Variants in CTXND1 observed in about 807,000 individuals in gnomAD.
The protein encoded by CTXND1 is cortexin domain-containing 1 protein.
chr15:80,234,262 C>A (rs1051713898), intron 1 of CTXND1, among the ~76,000 whole-genome samples: 6 of 152,150 alleles, frequency 3.9e-5, no homozygotes, highest in Admixed American at 3.9e-4. Flanking sequence ...GGCTGTTCGT[C>A]TGAGACCAGG....
At chr15:80,223,251 T>C (rs983089373) in intron 1 of CTXND1, among the ~76,000 whole-genome samples, 2 of 152,200 alleles carry the variant, frequency 1.3e-5, no homozygotes, top group African/African-American at 4.8e-5. Context: ...GGGATGAGGT[T>C]TCTCCATGTT....
Position 80,201,775 on chromosome 15 carries a change from C to T in CTXND1, c.175G>A (p.Asp59Asn), listed in dbSNP as rs1317177239. The change falls in exon 3 of 3, where the codon GAC becomes AAC. Residue 59 changes from aspartate (D) to asparagine (N), a missense_variant. Asp to Asn is a conservative substitution (Grantham distance 23, BLOSUM62 1). Transcript: ENST00000560778. ...GTCCCCACAGCCGCTGTGCCTCAGT[C>T]GTCCAGGTGCTGCTCCTCCCAGGTG... ...TSTWEEQHLD[D>N] 7.5e-6 allele frequency: 3 copies of T among 398,710 alleles called. No homozygotes were observed. Among genetic ancestry groups the T allele is most frequent in the South Asian group, 1.3e-4 (1 of 7,826 alleles). The allele number at this position is 398,710 out of a possible 1,614,324, so 24.7% of individuals were successfully genotyped here.
At chr15:80,236,848 C>A (rs1893504225) in intron 1 of CTXND1, among the ~76,000 whole-genome samples, 1 of 151,750 alleles carries the variant, frequency 6.6e-6, no homozygotes, top group African/African-American at 2.4e-5. Flanking sequence ...GGCATGGTAG[C>A]CCTCTTAACA....
At chr15:80,210,201 G>A (rs935630789) in intron 1 of CTXND1, among the ~76,000 whole-genome samples, 2 of 152,130 alleles carry the variant, frequency 1.3e-5, no homozygotes, top group African/African-American at 4.8e-5. Context: ...CCTCCTTAAT[G>A]TTTTTTCTTT....
At chr15:80,231,422 ACTT>A (rs1427546596) in intron 1 of CTXND1, among the ~76,000 whole-genome samples, 2 of 152,002 alleles carry the variant, frequency 1.3e-5, no homozygotes, top group Non-Finnish European at 2.9e-5. Flanking sequence ...AAAAGAAAAA[ACTT>A]CTCCTGTGTC....
chr15:80,213,347 C>A (rs557733705), intron 1 of CTXND1, among the ~76,000 whole-genome samples: 77 of 152,216 alleles, frequency 5.1e-4, no homozygotes, highest in African/African-American at 1.7e-3. Flanking sequence ...AATGGCCTCC[C>A]AGAAGTTCAC....
rs768117948 is a variant in CTXND1 at position 80,199,152 on chromosome 15, T to G, written c.*2618A>C. Reference sequence around the variant, plus strand: ...GAGTCAAGAGATAAGGTGAAACCCATTAGCAAATCTGAGTGTGGAAAAGAA... The same window carrying G: ...GAGTCAAGAGATAAGGTGAAACCCAGTAGCAAATCTGAGTGTGGAAAAGAA... On this transcript the variant is annotated 3_prime_UTR_variant, in exon 3 of 3. Coordinates refer to ENST00000560778, the MANE Select transcript of CTXND1 (RefSeq NM_001352888.2). 5 of 152,218 alleles carry G rather than the reference T, an allele frequency of 3.3e-5. No homozygotes were observed. Among genetic ancestry groups the G allele is most frequent in the Admixed American group, 1.3e-4 (2 of 15,282 alleles). The allele number at this position is 152,218 out of a possible 1,614,324, so 9.4% of individuals were successfully genotyped here. A position where few individuals can be genotyped will look rare whatever the true frequency, so the allele number is the denominator to read the frequency against.
At chr15:80,242,651 T>C (rs61146791) in intron 1 of CTXND1, among the ~76,000 whole-genome samples, 2 of 152,190 alleles carry the variant, frequency 1.3e-5, no homozygotes, top group Non-Finnish European at 1.5e-5. Context: ...ACTGGCTTTA[T>C]GTTTAATTTT....
intron 1 of CTXND1, among the ~76,000 whole-genome samples, chr15:80,243,668 A>G (rs1893595440): frequency 6.6e-6 from 1 of 152,178 alleles, no homozygotes; most frequent in Non-Finnish European, 1.5e-5. Context: ...TTGTACCCCA[A>G]GGGTAAATGA....
At chr15:80,244,503 T>C (rs1260366604) in intron 1 of CTXND1, among the ~76,000 whole-genome samples, 1 of 152,100 alleles carries the variant, frequency 6.6e-6, no homozygotes, top group Non-Finnish European at 1.5e-5. Flanking sequence ...GATCTCTAGT[T>C]TGGAAAAAGT....
chr15:80,251,764 G>A (rs1346189177), intron 1 of CTXND1, among the ~76,000 whole-genome samples: 1 of 152,048 alleles, frequency 6.6e-6, no homozygotes, highest in African/African-American at 2.4e-5. Context: ...CCCCTGCCGC[G>A]CGGGTCCGGC....
rs981392801 is a variant in CTXND1 at position 80,201,083 on chromosome 15, G to A, written c.*687C>T. The stretch of plus-strand genomic sequence containing the variant: ...ATCAAAATGGTGGTTTCCGGGAGGT[G>A]GGATTATAAGTGTTATTTCCTCCCC... On this transcript the variant is annotated 3_prime_UTR_variant, in exon 3 of 3. Coordinates refer to ENST00000560778, the MANE Select transcript of CTXND1 (RefSeq NM_001352888.2). 1 of 152,074 alleles carries A rather than the reference G, an allele frequency of 6.6e-6. No homozygotes were observed. The highest frequency in any genetic ancestry group is 2.4e-5 in the African/African-American group (1 of 41,364). 9.4% of individuals were successfully genotyped at this position (152,074 alleles called of 1,614,324 possible).
chr15:80,246,149 G>A (rs1893626374), intron 1 of CTXND1, among the ~76,000 whole-genome samples: 2 of 152,196 alleles, frequency 1.3e-5, no homozygotes, highest in South Asian at 4.2e-4. Context: ...AAAAATAAAT[G>A]GTAAACATTT....
chr15:80,250,891 G>A (rs1893685635), intron 1 of CTXND1, among the ~76,000 whole-genome samples: 1 of 152,184 alleles, frequency 6.6e-6, no homozygotes, highest in Non-Finnish European at 1.5e-5. Flanking sequence ...GTGGCTTAAT[G>A]AGGGTGAGGG....
intron 1 of CTXND1, among the ~76,000 whole-genome samples, chr15:80,228,282 G>A (rs1028927324): frequency 1.3e-5 from 2 of 152,148 alleles, no homozygotes; most frequent in Non-Finnish European, 2.9e-5. Flanking sequence ...TCCTGTCAGC[G>A]TCAACACATT....
chr15:80,222,570 T>C (rs1325120480), intron 1 of CTXND1, among the ~76,000 whole-genome samples: 1 of 152,216 alleles, frequency 6.6e-6, no homozygotes, highest in African/African-American at 2.4e-5. Flanking sequence ...AATTAAGATA[T>C]GAATGAGTTT....
chr15:80,228,487 G>A (rs1317030507), intron 1 of CTXND1, among the ~76,000 whole-genome samples: 24 of 152,210 alleles, frequency 1.6e-4, no homozygotes, highest in Admixed American at 1.1e-3. Context: ...GCATAAGCTG[G>A]GCTTATCCAA....
chr15:80,240,304 C>T (rs1389622449), intron 1 of CTXND1, among the ~76,000 whole-genome samples: 2 of 152,146 alleles, frequency 1.3e-5, no homozygotes, highest in Non-Finnish European at 2.9e-5. Context: ...ATTGCATAAA[C>T]CTTAGGACCC....
rs2041420401 is a variant in CTXND1 at position 80,196,368 on chromosome 15, G to A, written c.*5402C>T. ...AGAATTTGAATCCTCTGTGGATGAA[G>A]ATTTGGGTCATTCCACCAGATAAAA... is the stretch of plus-strand genomic sequence containing the variant. On this transcript the variant is annotated 3_prime_UTR_variant, in exon 3 of 3. Coordinates refer to ENST00000560778, the MANE Select transcript of CTXND1 (RefSeq NM_001352888.2). 1 of 152,190 alleles carries A rather than the reference G, an allele frequency of 6.6e-6. No individual in the cohort carries two copies. The highest frequency in any genetic ancestry group is 2.1e-4 in the South Asian group (1 of 4,836). The allele number at this position is 152,190 out of a possible 1,614,324, so 9.4% of individuals were successfully genotyped here. A position where few individuals can be genotyped will look rare whatever the true frequency, so the allele number is the denominator to read the frequency against.
Sources: gnomAD v4.1 joint callset for allele counts (sites outside exome capture counted in the v4.1 genomes callset) on GRCh38, gnomAD v4.1.1 for gene constraint, MANE v1.5 for transcripts, NCBI Gene and HGNC (gene_info 2026-07-23, HGNC 2026-07-21) for gene names.